The following LARGE1 variants were observed in gnomAD, a reference collection of about 807,000 sequenced individuals.
The protein encoded by LARGE1 is xylosyl- and glucuronyltransferase LARGE1.
Under a neutral mutation model 87.6 loss-of-function variants are expected in LARGE1, and 43 were observed. The ratio of observed to expected loss-of-function variants is 0.49; its 90% CI spans 0.38 to 0.63. The LOEUF is 0.63. Ranked by LOEUF, LARGE1 falls within the 30% of genes least tolerant of loss-of-function variation. The pLI is 0.00. For synonymous variants in LARGE1, 434 were observed against 394.6 expected, an observed-to-expected ratio of 1.10 and a Z score of -1.18; for missense variants, 802 against 1,000.2, an observed-to-expected ratio of 0.80 and a Z score of 2.67.
At chr22:33,833,991 T>C (rs190902708) in intron 1 of LARGE1, among the ~76,000 whole-genome samples, 1 of 152,232 alleles carries the variant, frequency 6.6e-6, no homozygotes, top group African/African-American at 2.4e-5. Context: ...CCCAGCTCAA[T>C]TATTGTCATT....
At chr22:33,476,741 A>T (rs928443061) in intron 6 of LARGE1, among the ~76,000 whole-genome samples, 1 of 148,766 alleles carries the variant, frequency 6.7e-6, no homozygotes, top group Non-Finnish European at 1.5e-5. Context: ...AACTACACCC[A>T]AAAGGTGCTC....
At chr22:33,736,791 T>C (rs2083670909) in intron 2 of LARGE1, among the ~76,000 whole-genome samples, 1 of 152,244 alleles carries the variant, frequency 6.6e-6, no homozygotes, top group Non-Finnish European at 1.5e-5. Context: ...TGATTTACTT[T>C]ATTTTCATTT....
At chr22:33,372,680 C>T (rs983755915) in intron 9 of LARGE1, among the ~76,000 whole-genome samples, 21 of 152,048 alleles carry the variant, frequency 1.4e-4, no homozygotes, top group Non-Finnish European at 2.1e-4. Context: ...GTGGGAGCTA[C>T]AATTCAAGAT....
At chr22:33,103,162 G>A in the LARGE1 span, among the ~76,000 whole-genome samples, 1 of 151,962 alleles carries the variant, frequency 6.6e-6, no homozygotes, top group South Asian at 2.1e-4. Flanking sequence ...AGCCGGGTGC[G>A]TTGGCTCACG....
At chr22:33,138,852 CA>C in the LARGE1 span, among the ~76,000 whole-genome samples, 5 of 152,110 alleles carry the variant, frequency 3.3e-5, no homozygotes, top group Non-Finnish European at 7.4e-5. Context: ...TGGGAGGGGC[CA>C]GGGGTGGAAT....
At chr22:33,748,511 T>G (rs17807797) in intron 2 of LARGE1, among the ~76,000 whole-genome samples, 2 of 152,114 alleles carry the variant, frequency 1.3e-5, no homozygotes, top group African/African-American at 4.8e-5. Context: ...GCAAACCTAA[T>G]TCATGCTAGG....
chr22:33,817,396 C>T (rs1314839055), intron 1 of LARGE1, among the ~76,000 whole-genome samples: 1 of 152,120 alleles, frequency 6.6e-6, no homozygotes, highest in Non-Finnish European at 1.5e-5. Context: ...GGAGTCAGTA[C>T]TGCCACCCCA....
chr22:33,574,385 T>C (rs994122387), intron 5 of LARGE1, among the ~76,000 whole-genome samples: 1 of 152,216 alleles, frequency 6.6e-6, no homozygotes, highest in Admixed American at 6.5e-5. Context: ...ATGTAAACAG[T>C]TGTTATACTG....
chr22:33,493,766 A>T (rs1234255203), intron 6 of LARGE1, among the ~76,000 whole-genome samples: 1 of 152,156 alleles, frequency 6.6e-6, no homozygotes, highest in Non-Finnish European at 1.5e-5. Flanking sequence ...GCTGCACTCA[A>T]GATCCTTTAT....
intron 6 of LARGE1, among the ~76,000 whole-genome samples, chr22:33,502,318 T>G (rs993739188): frequency 1.3e-5 from 2 of 151,542 alleles, no homozygotes; most frequent in Non-Finnish European, 2.9e-5. Context: ...GGTGGGATGG[T>G]CGCCTAGGAA....
intron 1 of LARGE1, among the ~76,000 whole-genome samples, chr22:33,803,304 T>C (rs534901941): frequency 6.6e-6 from 1 of 152,330 alleles, no homozygotes; most frequent in East Asian, 1.9e-4. Context: ...GCTTCCATAT[T>C]GCCTGATATC....
At chr22:33,261,792 C>T (rs530335691) in intron 11 of LARGE1, among the ~76,000 whole-genome samples, 1 of 152,276 alleles carries the variant, frequency 6.6e-6, no homozygotes, top group South Asian at 2.1e-4. Context: ...CCTGTTTTCT[C>T]ATCTCTGAAA....
intron 1 of LARGE1, among the ~76,000 whole-genome samples, chr22:33,799,674 T>G (rs889934648): frequency 4.6e-5 from 7 of 152,108 alleles, no homozygotes; most frequent in African/African-American, 1.4e-4. Flanking sequence ...CTCGGCAATC[T>G]GCCCGCCTCG....
At position 33,736,931 on chromosome 22, in the gene LARGE1, G is replaced by A. The variant is rs561724886; in HGVS notation, c.106+24440C>T. Among the ~76,000 whole-genome samples the A allele has an allele frequency of 1.1e-4, 16 of 152,258 alleles. 1 individual carries two copies. The East Asian group carries it at 1.7e-3, about 17-fold the overall frequency. On this transcript the variant is annotated intron_variant, in intron 2 of 14. Transcript: ENST00000397394. ...GGTCACAAAAGGAGTTTCAGGCATC[G>A]ATGGACTCAGAGCAAGTTCTCTGCC...
chr22:33,124,875 G>A, the LARGE1 span, among the ~76,000 whole-genome samples: 2 of 152,202 alleles, frequency 1.3e-5, no homozygotes. Context: ...GGTGATGAAA[G>A]AAAGCAGCTT....
intron 1 of LARGE1, among the ~76,000 whole-genome samples, chr22:33,808,224 T>C (rs948910306): frequency 1.3e-5 from 2 of 152,260 alleles, no homozygotes; most frequent in South Asian, 2.1e-4. Context: ...TACGTCACTG[T>C]TGTTTTATTT....
chr22:33,383,688 C>T (rs1242667397), intron 8 of LARGE1, among the ~76,000 whole-genome samples: 1 of 152,112 alleles, frequency 6.6e-6, no homozygotes, highest in Non-Finnish European at 1.5e-5. Flanking sequence ...GTGCATTTCC[C>T]TTGAGTAAAG....
chr22:33,119,806 G>A, the LARGE1 span, among the ~76,000 whole-genome samples: 1 of 152,182 alleles, frequency 6.6e-6, no homozygotes, highest in Non-Finnish European at 1.5e-5. Context: ...CGTGTGGAGT[G>A]CCTGGTATTA....
intron 1 of LARGE1, among the ~76,000 whole-genome samples, chr22:33,897,495 G>A (rs2065175060): frequency 6.6e-6 from 1 of 152,202 alleles, no homozygotes; most frequent in Non-Finnish European, 1.5e-5. Flanking sequence ...CTGGCTATCA[G>A]GCAGAAGTCA....
Sources: gnomAD v4.1 joint callset for allele counts (sites outside exome capture counted in the v4.1 genomes callset) on GRCh38, gnomAD v4.1.1 for gene constraint, MANE v1.5 for transcripts, NCBI Gene and HGNC (gene_info 2026-07-23, HGNC 2026-07-21) for gene names.